Variants in ACACA observed in about 807,000 individuals in gnomAD.
ACACA encodes acetyl-CoA carboxylase 1.
Under a neutral mutation model 296.1 loss-of-function variants are expected in ACACA, and 103 were observed. The observed-to-expected ratio is 0.35, with a 90% CI of 0.30 to 0.41. The LOEUF (loss-of-function observed/expected upper bound fraction) is 0.41, where lower values mean the gene tolerates loss of function less well. ACACA is among the 10% of genes least tolerant of loss of function. The probability of loss-of-function intolerance (pLI) is 1.00; values close to 1 mark genes in which losing one functional copy is unlikely to be tolerated. For missense variants in ACACA, 1,554 were observed against 2,989.7 expected (o/e 0.52, Z 11.20); for synonymous variants, 953 against 1,038.6 (o/e 0.92, Z 1.58).
chr17:37,274,443 A>G (rs2146448960), intron 8 of ACACA, 144 bp from the exon 9 acceptor site: 1 of 1,025,962 alleles, frequency 9.7e-7, no homozygotes, highest in Admixed American at 2.0e-5. Flanking sequence ...AACCCTGATC[A>G]GTCCTTGGGG....
At chr17:37,271,125 T>C (rs539504127) in intron 9 of ACACA, among the ~76,000 whole-genome samples, 1 of 152,224 alleles carries the variant, frequency 6.6e-6, no homozygotes, top group Non-Finnish European at 1.5e-5. Context: ...TCTAAAGTAA[T>C]GTCACATGGG....
intron 14 of ACACA, among the ~76,000 whole-genome samples, chr17:37,254,505 G>C (rs923716962): frequency 6.6e-6 from 1 of 152,068 alleles, no homozygotes; most frequent in African/African-American, 2.4e-5. Context: ...TGACTCATCT[G>C]TATGATCCTA....
intron 1 of ACACA, among the ~76,000 whole-genome samples, chr17:37,356,024 G>T (rs2049123973): frequency 6.6e-6 from 1 of 151,972 alleles, no homozygotes; most frequent in Admixed American, 6.6e-5. Context: ...CAAAAAATTA[G>T]CCGGGCATGG....
chr17:37,304,753 C>T (rs2146932240), intron 3 of ACACA, among the ~76,000 whole-genome samples: 1 of 150,844 alleles, frequency 6.6e-6, no homozygotes, highest in East Asian at 2.0e-4. Context: ...CGTGCCATTG[C>T]ACTCCAGCCT....
chr17:37,324,951 C>T lies in ACACA; in HGVS notation c.338+5222G>A, dbSNP rs577746424. 5.3e-5 allele frequency among the ~76,000 whole-genome samples: 8 copies of T among 151,422 alleles called. No individual in the cohort carries two copies. In the East Asian group the frequency reaches 1.4e-3, roughly 26 times the overall value. On this transcript the variant is annotated intron_variant, in intron 3 of 55. Coordinates refer to ENST00000616317, the MANE Select transcript of ACACA (RefSeq NM_198834.3). Reference sequence around the variant, plus strand: ...GGGCACAGTGGCTCACACCTGTAACCCAGCACTTTGGGAGGCTGAGGCAGG... The same window carrying T: ...GGGCACAGTGGCTCACACCTGTAACTCAGCACTTTGGGAGGCTGAGGCAGG...
chr17:37,391,502 G>C (rs1444021227), intron 1 of ACACA: 5 of 702,144 alleles, frequency 7.1e-6, no homozygotes, highest in Non-Finnish European at 1.3e-5. Flanking sequence ...TACTTTCTCA[G>C]TGTAATTATC....
chr17:37,388,067 A>AGGTGGGAGGAT (rs2050626502), intron 1 of ACACA: 1 of 152,504 alleles, frequency 6.6e-6, no homozygotes, highest in Non-Finnish European at 1.5e-5. Context: ...CAGGAGGCTA[A>AGGTGGGAGGAT]GGTGGGAGGA....
intron 11 of ACACA, among the ~76,000 whole-genome samples, chr17:37,262,366 CCT>C (rs1222973749): frequency 7.2e-5 from 11 of 152,116 alleles, no homozygotes; most frequent in South Asian, 2.1e-4. Flanking sequence ...CTCCACATCC[CCT>C]GTCTCTTCCT....
At chr17:37,127,038 A>G (rs1338690235) in intron 47 of ACACA, among the ~76,000 whole-genome samples, 2 of 152,240 alleles carry the variant, frequency 1.3e-5, no homozygotes, top group East Asian at 3.8e-4. Context: ...AGCTGCACAT[A>G]GACAGCAGGA....
intron 45 of ACACA, among the ~76,000 whole-genome samples, chr17:37,145,152 A>C (rs980387384): frequency 1.8e-4 from 27 of 152,218 alleles, no homozygotes; most frequent in African/African-American, 6.5e-4. Flanking sequence ...AAAATAAAGT[A>C]AAAAGGAAAC....
intron 1 of ACACA, among the ~76,000 whole-genome samples, chr17:37,376,448 T>C (rs777858031): frequency 5.3e-5 from 8 of 152,190 alleles, no homozygotes; most frequent in Non-Finnish European, 7.3e-5. Context: ...AGTTTCAGTA[T>C]TGTCATCACC....
chr17:37,397,126 G>C (rs1422257365), intron 1 of ACACA, among the ~76,000 whole-genome samples: 1 of 151,748 alleles, frequency 6.6e-6, no homozygotes, highest in Non-Finnish European at 1.5e-5. Flanking sequence ...CTATGAGTGA[G>C]AACATGCGAT....
chr17:37,100,543 A>C (rs1253394947), intron 52 of ACACA, among the ~76,000 whole-genome samples: 1 of 152,146 alleles, frequency 6.6e-6, no homozygotes, highest in Non-Finnish European at 1.5e-5. Flanking sequence ...ACAAAGGTCA[A>C]AGAATCAGTC....
chr17:37,239,126 G>C (rs567843802), intron 24 of ACACA, among the ~76,000 whole-genome samples: 1 of 152,122 alleles, frequency 6.6e-6, no homozygotes, highest in East Asian at 1.9e-4. Flanking sequence ...ACTACATCTA[G>C]CCTGCTATTT....
intron 5 of ACACA, among the ~76,000 whole-genome samples, chr17:37,280,098 T>G (rs910557633): frequency 6.6e-6 from 1 of 152,170 alleles, no homozygotes; most frequent in Non-Finnish European, 1.5e-5. Context: ...ACTAGCAACA[T>G]GGGTACCAAA....
chr17:37,346,905 A>G (rs900116163), intron 1 of ACACA, among the ~76,000 whole-genome samples: 1 of 152,176 alleles, frequency 6.6e-6, no homozygotes, highest in African/African-American at 2.4e-5. Context: ...GCCTTGTCTC[A>G]GATGAGACTC....
At chr17:37,150,541 C>CAA (rs57152851) in intron 44 of ACACA, among the ~76,000 whole-genome samples, 3,243 of 143,466 alleles carry the variant, frequency 0.023, 114 homozygotes, top group African/African-American at 0.076. Flanking sequence ...GACTCTGTCT[C>CAA]AAAAAAAAAA....
intron 4 of ACACA, 86 bp downstream of exon 4, chr17:37,284,752 A>G (rs1331948870): frequency 1.2e-5 from 19 of 1,582,508 alleles, no homozygotes; most frequent in Middle Eastern, 1.7e-4. Context: ...CTAAATATCA[A>G]TTGGGAGCAA....
intron 3 of ACACA, among the ~76,000 whole-genome samples, chr17:37,300,389 T>C (rs1408331313): frequency 6.6e-6 from 1 of 152,030 alleles, no homozygotes; most frequent in African/African-American, 2.4e-5. Flanking sequence ...AGGAGAAAAA[T>C]CAATGGCAAA....
Sources: gnomAD v4.1 joint callset for allele counts (sites outside exome capture counted in the v4.1 genomes callset) on GRCh38, gnomAD v4.1.1 for gene constraint, MANE v1.5 for transcripts, NCBI Gene and HGNC (gene_info 2026-07-23, HGNC 2026-07-21) for gene names.